Variants in MFSD11 observed in about 807,000 individuals in gnomAD.
The protein encoded by MFSD11 is UNC93-like protein MFSD11.
Under a neutral mutation model 53.5 loss-of-function variants are expected in MFSD11, and 36 were observed. The observed-to-expected ratio is 0.67, with a 90% CI of 0.52 to 0.89. The LOEUF (loss-of-function observed/expected upper bound fraction) is 0.89, where lower values mean the gene tolerates loss of function less well. Ranked by LOEUF, MFSD11 falls within the 40% of genes least tolerant of loss-of-function variation. The pLI, the probability that MFSD11 is intolerant of heterozygous loss-of-function variation, is 0.00. For synonymous variants in MFSD11, 186 were observed against 184.9 expected (o/e 1.01, Z -0.05); for missense variants, 530 against 543.9 (o/e 0.97, Z 0.25).
At chr17:76,759,124 G>A (rs191552861) in intron 8 of MFSD11, among the ~76,000 whole-genome samples, 10 of 152,090 alleles carry the variant, frequency 6.6e-5, no homozygotes, top group Admixed American at 6.6e-4. Context: ...GGGAATGGTG[G>A]CACGTCCCAG....
At chr17:76,795,882 G>T in the MFSD11 span, among the ~76,000 whole-genome samples, 1 of 150,252 alleles carries the variant, frequency 6.7e-6, no homozygotes, top group Non-Finnish European at 1.5e-5. Context: ...GGCCAGGATG[G>T]TCTCGATCTC....
downstream of MFSD11, chr17:76,781,165 T>A (rs2082154801): frequency 6.6e-6 from 1 of 152,180 alleles, no homozygotes; most frequent in African/African-American, 2.4e-5. Context: ...AGGGCCTGCT[T>A]CCCTGCTCAC....
At chr17:76,800,424 A>C in the MFSD11 span, among the ~76,000 whole-genome samples, 1 of 152,206 alleles carries the variant, frequency 6.6e-6, no homozygotes. Context: ...TTGCCTCTGT[A>C]ATGGTCACCT....
chr17:76,753,940 C>G, intron 7 of MFSD11, 107 bp from the exon 8 acceptor site: 1 of 870,754 alleles, frequency 1.1e-6, no homozygotes, highest in Non-Finnish European at 1.8e-6. Flanking sequence ...GCATCTCAGA[C>G]CTGGTATAGG....
chr17:76,751,693 G>A (rs1300966266), intron 7 of MFSD11, among the ~76,000 whole-genome samples: 1 of 147,010 alleles, frequency 6.8e-6, no homozygotes, highest in Non-Finnish European at 1.5e-5. Flanking sequence ...AGCAAGACTC[G>A]GTCTCAAAAA....
chr17:76,736,933 G>A (rs766090246), upstream of MFSD11: 3 of 1,613,104 alleles, frequency 1.9e-6, no homozygotes, highest in East Asian at 2.2e-5. Context: ...GCACGGCCCC[G>A]TCCATGGCAT....
chr17:76,773,556 A>G (rs2081553217), intron 10 of MFSD11, among the ~76,000 whole-genome samples: 1 of 151,796 alleles, frequency 6.6e-6, no homozygotes, highest in Admixed American at 6.6e-5. Flanking sequence ...TCTTTTGCCC[A>G]TTTTCTAGGC....
intron 2 of MFSD11, among the ~76,000 whole-genome samples, chr17:76,740,177 A>G (rs1464456327): frequency 3.3e-5 from 5 of 150,470 alleles, no homozygotes; most frequent in African/African-American, 1.2e-4. Context: ...CCGTCTCAAA[A>G]AAAAAAAAAA....
chr17:76,744,778 T>A (rs2078396808), intron 7 of MFSD11, among the ~76,000 whole-genome samples: 1 of 152,190 alleles, frequency 6.6e-6, no homozygotes, highest in Non-Finnish European at 1.5e-5. Context: ...ACTCAATCCA[T>A]ATGTTTCCAT....
intron 7 of MFSD11, among the ~76,000 whole-genome samples, chr17:76,748,503 A>G (rs2078751714): frequency 6.6e-6 from 1 of 151,562 alleles, no homozygotes; most frequent in Non-Finnish European, 1.5e-5. Flanking sequence ...TGGGCAACAT[A>G]GCAAGACCTA....
At chr17:76,785,580 C>A (rs2082264815), downstream of MFSD11, among the ~76,000 whole-genome samples, 1 of 152,052 alleles carries the variant, frequency 6.6e-6, no homozygotes, top group South Asian at 2.1e-4. Context: ...CTCAAGCGGT[C>A]CACCCACCTC....
intron 10 of MFSD11, among the ~76,000 whole-genome samples, chr17:76,770,998 A>G (rs2081336374): frequency 6.6e-6 from 1 of 152,230 alleles, no homozygotes; most frequent in Non-Finnish European, 1.5e-5. Flanking sequence ...TGAGCCCAGG[A>G]GTTCGAGATC....
At position 76,778,541 on chromosome 17, in the gene MFSD11, A is replaced by G; in HGVS notation, c.*189A>G. 1 of 531,372 alleles carries G rather than the reference A, an allele frequency of 1.9e-6. No homozygotes were observed. 32.9% of individuals were successfully genotyped at this position (531,372 alleles called of 1,614,324 possible). On this transcript the variant is annotated 3_prime_UTR_variant, in exon 13 of 13. Coordinates refer to ENST00000685175, the MANE Select transcript of MFSD11 (RefSeq NM_001242532.5). ...CAGATATGAGTTATTTAAAGCAAGT[A>G]GAATAAGGGAAAGCTGTTCTGTCAA...
chr17:76,738,024 C>A (rs1216025748), upstream of MFSD11: 9 of 359,030 alleles, frequency 2.5e-5, no homozygotes, highest in East Asian at 3.7e-4. Context: ...AGGGCGGGGC[C>A]GCGCCGGCTG....
At chr17:76,753,959 T>G in intron 7 of MFSD11, 88 bp from the exon 8 acceptor site, 2 of 1,162,826 alleles carry the variant, frequency 1.7e-6, no homozygotes, top group Non-Finnish European at 2.5e-6. Context: ...GGACAGGGTT[T>G]TTACGAACGT....
downstream of MFSD11, chr17:76,780,962 G>T (rs571978872): frequency 1.3e-5 from 2 of 152,234 alleles, no homozygotes; most frequent in African/African-American, 4.8e-5. Context: ...TTATCAAGGT[G>T]TATTAGTTTT....
chr17:76,779,519 C>A (rs1266002017), downstream of MFSD11, among the ~76,000 whole-genome samples: 2 of 152,070 alleles, frequency 1.3e-5, no homozygotes, highest in African/African-American at 4.8e-5. Flanking sequence ...GAGTCTCACT[C>A]TGTCGCCTAG....
chr17:76,783,698 A>G (rs1455318914), downstream of MFSD11, among the ~76,000 whole-genome samples: 1 of 152,162 alleles, frequency 6.6e-6, no homozygotes, highest in East Asian at 1.9e-4. Flanking sequence ...AGCTGGGATT[A>G]CAGATGCCTG....
At chr17:76,777,860 G>A (rs1486122753) in intron 12 of MFSD11, among the ~76,000 whole-genome samples, 5 of 151,982 alleles carry the variant, frequency 3.3e-5, no homozygotes, top group African/African-American at 1.2e-4. Context: ...ATTTTATTTT[G>A]TAGAGATGGG....
Sources: allele counts gnomAD v4.1 joint callset (sites outside exome capture counted in the v4.1 genomes callset), GRCh38; gene constraint gnomAD v4.1.1; transcripts MANE v1.5; gene names NCBI Gene and HGNC (gene_info 2026-07-23, HGNC 2026-07-21).